Variants in SIGLEC1 observed in about 807,000 individuals in gnomAD.
SIGLEC1 encodes sialoadhesin.
Under a neutral mutation model 148.0 loss-of-function variants are expected in SIGLEC1, and 132 were observed. The ratio of observed to expected loss-of-function variants is 0.89; its 90% CI spans 0.77 to 1.03. SIGLEC1 has a LOEUF of 1.03. SIGLEC1 is among the 50% of genes least tolerant of loss of function. The probability of loss-of-function intolerance (pLI) is 0.00; values close to 1 mark genes in which losing one functional copy is unlikely to be tolerated. For missense variants in SIGLEC1, 2,253 were observed against 2,271.4 expected (o/e 0.99, Z 0.16); for synonymous variants, 945 against 969.0 (o/e 0.98, Z 0.46).
Position 3,706,654 on chromosome 20 carries a change from C to A in SIGLEC1, c.102G>T (p.Gly34=), listed in dbSNP as rs1329602146. ...SSPQDVQGVK[G]SCLLIPCIFS... is the part of the protein sequence containing the mutation. Reference sequence around the variant, plus strand: ...AGATGCAGGGGATAAGCAGGCAAGACCCCTTCACACCCTGCACGTCCTGGG... The same window carrying A: ...AGATGCAGGGGATAAGCAGGCAAGAACCCTTCACACCCTGCACGTCCTGGG... Residue 34 remains glycine (G), a synonymous_variant, in exon 3 of 22, where the codon GGG becomes GGT. Transcript: ENST00000344754. 2 of 1,568,208 alleles carry A rather than the reference C, an allele frequency of 1.3e-6. No individual in the cohort carries two copies. The highest frequency in any genetic ancestry group is 1.4e-5 in the African/African-American group (1 of 73,724).
intron 2 of SIGLEC1, among the ~76,000 whole-genome samples, 162 bp from the exon 3 acceptor site, chr20:3,706,868 G>A (rs1262281550): frequency 6.6e-6 from 1 of 152,154 alleles, no homozygotes; most frequent in African/African-American, 2.4e-5. Flanking sequence ...AGTGCCCCAG[G>A]GGTCAGTCCA....
Position 3,698,138 on chromosome 20 carries a change from A to T in SIGLEC1, c.1787-5T>A. 1 of 1,578,658 alleles carries T rather than the reference A, an allele frequency of 6.3e-7. No homozygotes were observed. The highest frequency in any genetic ancestry group is 2.3e-5 in the East Asian group (1 of 43,670). ...ATGTTGGTTGTCGAGGGGGGTCTGC[A>T]GGGAGGAAGAACATGGGCACTCATC... is the stretch of plus-strand genomic sequence containing the variant. On this transcript the variant is annotated splice_region_variant and splice_polypyrimidine_tract_variant and intron_variant, in intron 8 of 21. Coordinates refer to ENST00000344754, the MANE Select transcript of SIGLEC1 (RefSeq NM_023068.4).
In SIGLEC1 at chr20:3,690,185, G is replaced by C; in HGVS notation, c.4671C>G (p.Asp1557Glu). Reference sequence around the variant, plus strand: ...GAGTCAGGCTGGCGAGCGGCTCGCTGTCCACTCGGCAATCCAGGATGCCCC... The same window carrying C: ...GAGTCAGGCTGGCGAGCGGCTCGCTCTCCACTCGGCAATCCAGGATGCCCC... ...GLRGILDCRV[D>E]SEPLASLTLH... Residue 1557 changes from aspartate to glutamate, a missense_variant, in exon 19 of 22, where the codon GAC becomes GAG. By Grantham distance (45) the Asp-to-Glu change is conservative. Coordinates refer to ENST00000344754, the MANE Select transcript of SIGLEC1 (RefSeq NM_023068.4). 10 of 1,569,762 alleles carry C rather than the reference G, an allele frequency of 6.4e-6. No homozygotes were observed. Among genetic ancestry groups the C allele is most frequent in the Non-Finnish European group, 8.6e-6 (10 of 1,158,476 alleles).
At chr20:3,712,302 C>G (rs992370129) in intron 1 of SIGLEC1, among the ~76,000 whole-genome samples, 168 bp downstream of exon 1, 1 of 151,786 alleles carries the variant, frequency 6.6e-6, no homozygotes, top group African/African-American at 2.4e-5. Flanking sequence ...TCAGTTGAGT[C>G]CATCTTTGAT....
At chr20:3,695,721 G>A (rs962004267) in intron 11 of SIGLEC1, among the ~76,000 whole-genome samples, 4 of 152,188 alleles carry the variant, frequency 2.6e-5, no homozygotes, top group Admixed American at 2.6e-4. Flanking sequence ...CAAAATTGGT[G>A]CTGTCGGTCA....
Position 3,688,220 on chromosome 20 carries a change from C to G in SIGLEC1, c.*340G>C, listed in dbSNP as rs111403894. On this transcript the variant is annotated 3_prime_UTR_variant, in exon 22 of 22. Transcript: ENST00000344754. ...CTCTGAGGATGCAGGATGCTGCAAT[C>G]CAACCAAAGTCCAGGGTGACTTTCG... 8.3e-6 allele frequency: 3 copies of G among 361,466 alleles called. No homozygotes were observed. Among genetic ancestry groups the G allele is most frequent in the Admixed American group, 8.6e-5 (2 of 23,354 alleles). 22.4% of individuals were successfully genotyped at this position (361,466 alleles called of 1,614,324 possible).
chr20:3,706,728 G>A, intron 2 of SIGLEC1, 22 bp from the exon 3 acceptor site: 1 of 1,522,090 alleles, frequency 6.6e-7, no homozygotes, highest in Non-Finnish European at 8.9e-7. Flanking sequence ...ACGGCAGGGG[G>A]ACAGAGGGGA....
In SIGLEC1 at chr20:3,694,876, C is replaced by T; in HGVS notation, c.2731G>A (p.Ala911Thr). 3 of 1,613,102 alleles carry T rather than the reference C, an allele frequency of 1.9e-6. No homozygotes were observed. Among genetic ancestry groups the T allele is most frequent in the East Asian group, 2.2e-5 (1 of 44,884 alleles). ...TGTACCTGGCAGCTCAGGACCACAGCCTGGCCCTCTTGGAGCTCAGGTGAT... is the reference window on the plus strand; with the variant it reads ...TGTACCTGGCAGCTCAGGACCACAGTCTGGCCCTCTTGGAGCTCAGGTGAT... ...SPSPELQEGQ[A>T]VVLSCQVHTG... Residue 911 changes from alanine to threonine, a missense_variant, in exon 12 of 22, where the codon GCT (alanine) becomes ACT (threonine). Physicochemically the swap from Ala to Thr is moderately conservative, Grantham distance 58. Coordinates refer to ENST00000344754, the MANE Select transcript of SIGLEC1 (RefSeq NM_023068.4).
At position 3,691,475 on chromosome 20, in the gene SIGLEC1, G is replaced by A. The variant is rs146427325; in HGVS notation, c.4456C>T (p.Arg1486Trp). The change falls in exon 18 of 22, where the codon CGG becomes TGG. Residue 1486 changes from arginine (R) to tryptophan (W), a missense_variant. Physicochemically the swap from Arg to Trp is moderately radical, Grantham distance 101 (BLOSUM62 -3). Transcript: ENST00000344754. ...NSTFAWFWND[R>W]RLHAEPVPTL... ...GGCACAGGCTCCGCGTGCAGCCGCC[G>A]GTCATTCCAGAACCATGCAAAGGTG... The A allele has an allele frequency of 7.9e-5, 128 of 1,613,456 alleles. 1 individual carries two copies. The East Asian group carries it at 9.8e-4, about 12-fold the overall frequency.
rs142702775 is a variant in SIGLEC1, at chr20:3,698,285, C to T, written c.1787-152G>A. On this transcript the variant is annotated intron_variant, in intron 8 of 21. Transcript: ENST00000344754. ...TGTGCACTGCACAAGGGCAGCCAGA[C>T]CAGGGTGGGTGGAACTCAAGCTAGG... is the stretch of plus-strand genomic sequence containing the variant. The T allele has an allele frequency of 6.7e-3, 4,480 of 667,144 alleles. 35 individuals are homozygous for T. The highest frequency in any genetic ancestry group is 0.032 in the Middle Eastern group (77 of 2,408). 41.3% of individuals were successfully genotyped at this position (667,144 alleles called of 1,614,324 possible).
Position 3,689,699 on chromosome 20 carries a change from A to G in SIGLEC1, c.4898T>C (p.Leu1633Pro), listed in dbSNP as rs2088736464. Residue 1633 changes from leucine to proline, a missense_variant, in exon 20 of 22, where the codon CTG (leucine) becomes CCG (proline). By Grantham distance (98) the Leu-to-Pro change is moderately conservative. Coordinates refer to ENST00000344754, the MANE Select transcript of SIGLEC1 (RefSeq NM_023068.4). ...CTGCTGGAACTGATGCAGGCGGTGC[A>G]GGGCTGGAACACAGAGCGGGACTCA... ...STSTYFGVRALHRLHQFQQLL... is the reference protein window; with the variant it reads ...STSTYFGVRAPHRLHQFQQLL... The G allele has an allele frequency of 1.9e-6, 3 of 1,573,158 alleles. No homozygotes were observed.
At chr20:3,690,834 TTTTTTTTTTTTC>T (rs2088752042) in intron 18 of SIGLEC1, among the ~76,000 whole-genome samples, 3 of 103,294 alleles carry the variant, frequency 2.9e-5, no homozygotes, top group Non-Finnish European at 5.8e-5. Flanking sequence ...CTTTTCTTTT[TTTTTTTTTTTTC>T]TTGAGACAGA....
Position 3,693,457 on chromosome 20 carries a change from C to T in SIGLEC1, c.3498G>A (p.Leu1166=), listed in dbSNP as rs1201554486. Residue 1166 remains leucine (L), a synonymous_variant, in exon 14 of 22, where the codon TTG becomes TTA. Coordinates refer to ENST00000344754, the MANE Select transcript of SIGLEC1 (RefSeq NM_023068.4). ...TCCAGCCAGACTCACAGAGGACGTC[C>T]AAGGTGATAGGTCTGGAGAGGCGGG... ...RAPRLSRPIT[L]DVLYAPRNLR... is the part of the protein sequence containing the mutation. 6.3e-7 allele frequency: 1 copy of T among 1,581,992 alleles called. No homozygotes were observed. Among genetic ancestry groups the T allele is most frequent in the Non-Finnish European group, 8.6e-7 (1 of 1,161,130 alleles).
At chr20:3,691,304 G>T in intron 18 of SIGLEC1, 36 bp downstream of exon 18, 1 of 1,608,724 alleles carries the variant, frequency 6.2e-7, no homozygotes, top group East Asian at 2.2e-5. Flanking sequence ...TGTGAGATGT[G>T]GGGAGACTAA....
chr20:3,695,084 C>T (rs1297079101), intron 11 of SIGLEC1, among the ~76,000 whole-genome samples, 161 bp from the exon 12 acceptor site: 1 of 152,206 alleles, frequency 6.6e-6, no homozygotes, highest in Non-Finnish European at 1.5e-5. Context: ...TATGCCTTGG[C>T]CCCTCCTGCT....
chr20:3,701,701 T>A, intron 6 of SIGLEC1, 60 bp from the exon 7 acceptor site: 1 of 1,464,148 alleles, frequency 6.8e-7, no homozygotes, highest in Non-Finnish European at 9.1e-7. Flanking sequence ...CTGGATACCC[T>A]GATACAACCC....
At chr20:3,696,507 C>T in intron 11 of SIGLEC1, 79 bp downstream of exon 11, 1 of 1,389,302 alleles carries the variant, frequency 7.2e-7, no homozygotes, top group African/African-American at 1.4e-5. Flanking sequence ...ACAAAATTCA[C>T]AGCACCCAGC....
rs1351714740 is a variant in SIGLEC1 at position 3,688,478 on chromosome 20, C to T, written c.*82G>A. 2 of 1,192,562 alleles carry T rather than the reference C, an allele frequency of 1.7e-6. No homozygotes were observed. The highest frequency in any genetic ancestry group is 2.6e-5 in the East Asian group (1 of 39,184). The allele number at this position is 1,192,562 out of a possible 1,614,324, so 73.9% of individuals were successfully genotyped here. On this transcript the variant is annotated 3_prime_UTR_variant, in exon 22 of 22. Transcript: ENST00000344754. ...TTTCGTAGAGGCGGGCAGGACTCAA[C>T]ACTGCCTCATTCACATTCATAGGCT...
In SIGLEC1 at chr20:3,706,720, G is replaced by T. The variant is rs1401645931; in HGVS notation, c.50-14C>A. 1.3e-6 allele frequency: 2 copies of T among 1,528,572 alleles called. No homozygotes were observed. Among genetic ancestry groups the T allele is most frequent in the East Asian group, 2.5e-5 (1 of 40,472 alleles). 94.7% of individuals were successfully genotyped at this position (1,528,572 alleles called of 1,614,324 possible). On this transcript the variant is annotated splice_polypyrimidine_tract_variant and intron_variant, in intron 2 of 21. Coordinates refer to ENST00000344754, the MANE Select transcript of SIGLEC1 (RefSeq NM_023068.4). ...ATGAGGCCTGGCCTGGGGGAAGAAC[G>T]GCAGGGGGACAGAGGGGAGGGTGAT...
Sources: allele counts gnomAD v4.1 joint callset (sites outside exome capture counted in the v4.1 genomes callset), GRCh38; gene constraint gnomAD v4.1.1; transcripts MANE v1.5; gene names NCBI Gene and HGNC (gene_info 2026-07-23, HGNC 2026-07-21).